MGAT4C: variants seen among roughly 807,000 people sequenced by gnomAD.
MGAT4C encodes the protein MGAT4 family member C, also known as alpha-1,3-mannosyl-glycoprotein 4-beta-N-acetylglucosaminyltransferase C.
Under a neutral mutation model 40.1 loss-of-function variants are expected in MGAT4C, and 19 were observed. That is an observed-to-expected ratio of 0.47 (90% confidence interval 0.33 to 0.70). MGAT4C has a LOEUF of 0.70. Among genes scored for constraint, MGAT4C ranks in the 30% least tolerant of loss-of-function variants. MGAT4C has a pLI of 0.02. For synonymous variants in MGAT4C, 181 were observed against 187.1 expected (o/e 0.97, Z 0.27); for missense variants, 491 against 563.2 (o/e 0.87, Z 1.30).
intron 1 of MGAT4C, among the ~76,000 whole-genome samples, chr12:86,782,307 A>G (rs952710643): frequency 7.2e-5 from 10 of 138,132 alleles, no homozygotes; most frequent in South Asian, 2.4e-4. Context: ...TCAGCCTCCC[A>G]AGTAGCTGGG....
chr12:86,297,338 G>A (rs372869415), intron 4 of MGAT4C, among the ~76,000 whole-genome samples: 17 of 152,126 alleles, frequency 1.1e-4, no homozygotes, highest in African/African-American at 3.9e-4. Flanking sequence ...TTGAAGCACG[G>A]TAATAGTATG....
At chr12:86,257,602 C>A (rs982474379), upstream of MGAT4C, among the ~76,000 whole-genome samples, 1 of 152,206 alleles carries the variant, frequency 6.6e-6, no homozygotes, top group Non-Finnish European at 1.5e-5. Flanking sequence ...ATAATGGATT[C>A]AGGGCAAATA....
chr12:86,142,672 A>T (rs1882991147), intron 1 of MGAT4C, among the ~76,000 whole-genome samples: 2 of 151,752 alleles, frequency 1.3e-5, no homozygotes, highest in African/African-American at 4.8e-5. Flanking sequence ...TACAATAACT[A>T]CATAGGTAGG....
intron 4 of MGAT4C, among the ~76,000 whole-genome samples, chr12:86,273,654 A>G (rs1041090611): frequency 6.6e-6 from 1 of 152,186 alleles, no homozygotes; most frequent in Non-Finnish European, 1.5e-5. Flanking sequence ...ATTATATACC[A>G]TAACATAGGG....
At chr12:86,820,420 A>C (rs994508569) in intron 1 of MGAT4C, among the ~76,000 whole-genome samples, 6 of 150,796 alleles carry the variant, frequency 4.0e-5, no homozygotes, top group Non-Finnish European at 8.9e-5. Flanking sequence ...CCATCAATCA[A>C]TTCCTTTAAC....
chr12:86,718,442 G>C lies in MGAT4C; in HGVS notation c.-229+8767C>G, dbSNP rs116732729. Among the ~76,000 whole-genome samples, 121 of 152,220 alleles carry C rather than the reference G, an allele frequency of 7.9e-4. 2 individuals carry two copies. The highest frequency in any genetic ancestry group is 2.8e-3 in the African/African-American group (116 of 41,554). ...AGCAGTCACACAATGTCTGAGGATGGGGTTATCTTAAAAGGCCTATCACTT... is the reference window on the plus strand; with the variant it reads ...AGCAGTCACACAATGTCTGAGGATGCGGTTATCTTAAAAGGCCTATCACTT... On this transcript the variant is annotated intron_variant, in intron 2 of 7. Transcript: ENST00000548651.
chr12:86,342,744 T>A (rs1261239283), intron 3 of MGAT4C, among the ~76,000 whole-genome samples: 3 of 152,082 alleles, frequency 2.0e-5, no homozygotes, highest in African/African-American at 7.2e-5. Flanking sequence ...CAGCCATGGT[T>A]TTTTTTTATA....
intron 3 of MGAT4C, among the ~76,000 whole-genome samples, chr12:86,408,629 C>T (rs1489155741): frequency 6.6e-6 from 1 of 150,908 alleles, no homozygotes; most frequent in Non-Finnish European, 1.5e-5. Context: ...CTGAAATTCA[C>T]ATACACAAAT....
chr12:86,763,383 T>A (rs1252787056), intron 1 of MGAT4C, among the ~76,000 whole-genome samples: 2 of 152,224 alleles, frequency 1.3e-5, no homozygotes, highest in Non-Finnish European at 2.9e-5. Context: ...TTCATGTTAC[T>A]GCAACCGTAC....
intron 1 of MGAT4C, among the ~76,000 whole-genome samples, chr12:86,807,372 C>T (rs932111861): frequency 1.3e-5 from 2 of 152,110 alleles, no homozygotes; most frequent in South Asian, 4.1e-4. Flanking sequence ...TGAGAACATG[C>T]GGTGTTTGGT....
intron 1 of MGAT4C, among the ~76,000 whole-genome samples, chr12:86,142,685 T>C (rs1278957837): frequency 1.3e-5 from 2 of 151,896 alleles, no homozygotes; most frequent in African/African-American, 2.4e-5. Flanking sequence ...TAGGTAGGGA[T>C]GGAGAGAGGC....
chr12:86,796,301 T>C (rs1041658147), intron 1 of MGAT4C, among the ~76,000 whole-genome samples: 4 of 151,978 alleles, frequency 2.6e-5, no homozygotes, highest in Non-Finnish European at 2.9e-5. Context: ...GAGCACCTAT[T>C]AAGTGTCAGT....
chr12:86,730,302 A>G (rs1950887494), intron 1 of MGAT4C, among the ~76,000 whole-genome samples: 1 of 152,088 alleles, frequency 6.6e-6, no homozygotes, highest in Admixed American at 6.6e-5. Flanking sequence ...AAGGGAATTT[A>G]TTAAATTAAG....
chr12:86,720,224 C>T (rs1950715265), intron 2 of MGAT4C, among the ~76,000 whole-genome samples: 2 of 152,110 alleles, frequency 1.3e-5, no homozygotes, highest in South Asian at 4.1e-4. Context: ...ATGGCATCCT[C>T]AGGGTTGCTG....
chr12:86,360,903 C>T (rs990417024), intron 3 of MGAT4C, among the ~76,000 whole-genome samples: 5 of 152,160 alleles, frequency 3.3e-5, no homozygotes, highest in African/African-American at 1.2e-4. Flanking sequence ...TGAAAATGGT[C>T]ATACTGCCCA....
intron 4 of MGAT4C, among the ~76,000 whole-genome samples, chr12:86,283,947 C>A (rs954834928): frequency 2.0e-5 from 3 of 152,140 alleles, no homozygotes; most frequent in Non-Finnish European, 4.4e-5. Flanking sequence ...TCCTCTGCTG[C>A]ATCTATTAAA....
intron 4 of MGAT4C, among the ~76,000 whole-genome samples, chr12:86,310,390 C>G (rs950452133): frequency 1.3e-5 from 2 of 152,168 alleles, no homozygotes; most frequent in African/African-American, 4.8e-5. Flanking sequence ...GTATGGCAAA[C>G]CAGCATTCAT....
intron 2 of MGAT4C, among the ~76,000 whole-genome samples, chr12:86,440,989 T>A (rs1957217284): frequency 6.6e-6 from 1 of 152,056 alleles, no homozygotes; most frequent in Non-Finnish European, 1.5e-5. Context: ...TGGAAATACA[T>A]CCGATGCTCA....
At chr12:86,457,734 C>A (rs1231577785) in intron 2 of MGAT4C, among the ~76,000 whole-genome samples, 1 of 152,072 alleles carries the variant, frequency 6.6e-6, no homozygotes, top group Non-Finnish European at 1.5e-5. Context: ...AAGCTGTCAG[C>A]AGTTGCTACT....
Sources: allele counts gnomAD v4.1 joint callset (sites outside exome capture counted in the v4.1 genomes callset), GRCh38; gene constraint gnomAD v4.1.1; transcripts MANE v1.5; gene names NCBI Gene and HGNC (gene_info 2026-07-23, HGNC 2026-07-21).